The following CRB1 variants were observed in gnomAD, a reference collection of about 807,000 sequenced individuals.
CRB1 encodes the protein crumbs cell polarity complex component 1.
In CRB1, 83 loss-of-function variants were observed where a neutral mutation model predicts 120.0. The ratio of observed to expected loss-of-function variants is 0.69; its 90% CI spans 0.58 to 0.83. The LOEUF is 0.83. CRB1 is among the 40% of genes least tolerant of loss of function. CRB1 has a pLI of 0.00. For missense variants in CRB1, 1,699 were observed against 1,687.6 expected (o/e 1.01, Z -0.12); for synonymous variants, 625 against 612.5 (o/e 1.02, Z -0.30).
chr1:197,217,901 T>A, the CRB1 span, among the ~76,000 whole-genome samples: 6 of 152,190 alleles, frequency 3.9e-5, no homozygotes, highest in Non-Finnish European at 4.4e-5. Flanking sequence ...AACATAGTAC[T>A]TGTTGCCCAT....
intron 1 of CRB1, among the ~76,000 whole-genome samples, chr1:197,326,398 C>G (rs554137893): frequency 6.6e-6 from 1 of 152,030 alleles, no homozygotes; most frequent in Admixed American, 6.6e-5. Flanking sequence ...ATGGCTGAGG[C>G]GGGCAGATTG....
At chr1:197,315,818 C>T (rs1329010285) in intron 1 of CRB1, among the ~76,000 whole-genome samples, 1 of 152,138 alleles carries the variant, frequency 6.6e-6, no homozygotes, top group Non-Finnish European at 1.5e-5. Flanking sequence ...AATTCAGTAT[C>T]CTGAAAATGG....
chr1:197,357,459 C>A, intron 5 of CRB1: 1 of 203,810 alleles, frequency 4.9e-6, no homozygotes, highest in Non-Finnish European at 1.0e-5. Context: ...AGTCATTCCA[C>A]ATATCAAATT....
At chr1:197,331,151 C>T (rs983743856) in intron 2 of CRB1, among the ~76,000 whole-genome samples, 1 of 151,818 alleles carries the variant, frequency 6.6e-6, no homozygotes, top group African/African-American at 2.4e-5. Flanking sequence ...CAGCCAGTCT[C>T]CGTCTCAAAA....
rs59691602 is a variant in CRB1, at chr1:197,328,450, G to C, written c.99G>C (p.Arg33Ser). ...KNSFCNKNNT[R>S]CLSNSCQNNS... ...CCTTTTGCAATAAAAACAACACCAG[G>C]TGCCTCTCAAATTCTTGCCAAAACA... Residue 33 changes from arginine to serine, a missense_variant, in exon 2 of 12, where the codon AGG becomes AGC. Physicochemically the swap from Arg to Ser is moderately radical, Grantham distance 110. Coordinates refer to ENST00000367400, the MANE Select transcript of CRB1 (RefSeq NM_201253.3). The C allele has an allele frequency of 1.1e-5, 17 of 1,613,908 alleles. No individual in the cohort carries two copies. The highest frequency in any genetic ancestry group is 1.4e-5 in the Non-Finnish European group (16 of 1,179,876).
At chr1:197,341,034 T>C (rs1253503971) in intron 2 of CRB1, among the ~76,000 whole-genome samples, 1 of 151,970 alleles carries the variant, frequency 6.6e-6, no homozygotes, top group Non-Finnish European at 1.5e-5. Flanking sequence ...AATAAAACCA[T>C]CAGATCTTGT....
At chr1:197,330,531 T>C (rs1006210602) in intron 2 of CRB1, among the ~76,000 whole-genome samples, 30 of 152,194 alleles carry the variant, frequency 2.0e-4, no homozygotes, top group Admixed American at 9.2e-4. Flanking sequence ...ATAAATCTTC[T>C]TCATTTCTTA....
rs1658692745 is a variant in CRB1 at position 197,328,917 on chromosome 1, A to G, written c.566A>G (p.Glu189Gly). The G allele has an allele frequency of 6.2e-7, 1 of 1,614,132 alleles. No individual in the cohort carries two copies. Among genetic ancestry groups the G allele is most frequent in the African/African-American group, 1.3e-5 (1 of 74,954 alleles). ...AGACACTGCGACTTGGAAGTGGATGAATGTGCTTCAGATCCCTGCAAGAAC... is the reference window on the plus strand; with the variant it reads ...AGACACTGCGACTTGGAAGTGGATGGATGTGCTTCAGATCCCTGCAAGAAC... ...QGRHCDLEVD[E>G]CASDPCKNEA... The change falls in exon 2 of 12, where the codon GAA becomes GGA. Residue 189 changes from glutamate (E) to glycine (G), a missense_variant. By Grantham distance (98) the Glu-to-Gly change is moderately conservative (BLOSUM62 -2). Transcript: ENST00000367400.
intron 5 of CRB1, among the ~76,000 whole-genome samples, chr1:197,397,051 A>G (rs1413135498): frequency 1.3e-5 from 2 of 152,122 alleles, no homozygotes; most frequent in Non-Finnish European, 2.9e-5. Flanking sequence ...TTTTTCTTAC[A>G]TATTGATATT....
intron 11 of CRB1, among the ~76,000 whole-genome samples, chr1:197,462,621 C>A (rs192031943): frequency 6.6e-6 from 1 of 152,142 alleles, no homozygotes; most frequent in Admixed American, 6.6e-5. Context: ...ATAAATGCTA[C>A]GGCATCCAAG....
the CRB1 span, among the ~76,000 whole-genome samples, chr1:197,252,248 G>GC: frequency 6.6e-6 from 1 of 151,422 alleles, no homozygotes; most frequent in African/African-American, 2.4e-5. Flanking sequence ...TATAATTTTT[G>GC]CATGTCATAG....
chr1:197,345,878 T>G (rs1340713920), intron 3 of CRB1, among the ~76,000 whole-genome samples: 1 of 152,202 alleles, frequency 6.6e-6, no homozygotes, highest in Admixed American at 6.5e-5. Flanking sequence ...ATTCCATGTC[T>G]TGCCTTTGAC....
At chr1:197,462,125 C>T (rs536918824) in intron 11 of CRB1, among the ~76,000 whole-genome samples, 1 of 152,162 alleles carries the variant, frequency 6.6e-6, no homozygotes, top group African/African-American at 2.4e-5. Flanking sequence ...GTAATGTTGT[C>T]GTTCTTGATT....
chr1:197,412,572 A>G (rs183163204), intron 5 of CRB1, among the ~76,000 whole-genome samples: 70 of 152,228 alleles, frequency 4.6e-4, no homozygotes, highest in African/African-American at 1.5e-3. Context: ...AGGTCCATTG[A>G]TCAGAACCCT....
intron 5 of CRB1, among the ~76,000 whole-genome samples, chr1:197,402,146 A>G (rs1663096779): frequency 6.6e-6 from 1 of 152,114 alleles, no homozygotes; most frequent in African/African-American, 2.4e-5. Context: ...TTTGTCATGC[A>G]GGTGCTAAGC....
intron 2 of CRB1, among the ~76,000 whole-genome samples, chr1:197,329,870 A>T (rs1764625): frequency 0.69 from 105,566 of 152,028 alleles, 36,898 homozygotes; most frequent in East Asian, 0.94. Context: ...AAGACACCAC[A>T]CACATTTTAA....
At chr1:197,246,784 C>T in the CRB1 span, among the ~76,000 whole-genome samples, 1 of 152,044 alleles carries the variant, frequency 6.6e-6, no homozygotes, top group Non-Finnish European at 1.5e-5. Context: ...ATATTGTCTA[C>T]AGCTCCTTTT....
chr1:197,308,608 T>C (rs1405086972), intron 1 of CRB1, among the ~76,000 whole-genome samples: 1 of 152,128 alleles, frequency 6.6e-6, no homozygotes, highest in Non-Finnish European at 1.5e-5. Context: ...ATTTTTACTA[T>C]AATGATGGTG....
intron 1 of CRB1, among the ~76,000 whole-genome samples, chr1:197,279,950 C>G (rs958084299): frequency 6.6e-6 from 1 of 151,486 alleles, no homozygotes; most frequent in Non-Finnish European, 1.5e-5. Flanking sequence ...AATGTTTTTA[C>G]ATAGTTTATC....
Sources: gnomAD v4.1 joint callset for allele counts (sites outside exome capture counted in the v4.1 genomes callset) on GRCh38, gnomAD v4.1.1 for gene constraint, MANE v1.5 for transcripts, NCBI Gene and HGNC (gene_info 2026-07-23, HGNC 2026-07-21) for gene names.